Variants in DNAAF1 observed in about 807,000 individuals in gnomAD.
The protein encoded by DNAAF1 is dynein assembly factor 1, axonemal.
DNAAF1 carries 65 observed loss-of-function variants against 71.1 expected under a neutral mutation model. That is an observed-to-expected ratio of 0.91 (90% CI 0.75 to 1.12). The LOEUF (loss-of-function observed/expected upper bound fraction) is 1.12, where lower values mean the gene tolerates loss of function less well. Among genes scored for constraint, DNAAF1 ranks in the 50% most tolerant of loss-of-function variants. The pLI, the probability that DNAAF1 is intolerant of heterozygous loss-of-function variation, is 0.00. For missense variants in DNAAF1, 1,178 were observed against 899.8 expected, an observed-to-expected ratio of 1.31 and a Z score of -3.96; for synonymous variants, 414 against 354.6, an observed-to-expected ratio of 1.17 and a Z score of -1.88.
chr16:84,147,396 G>T (rs566120466), intron 1 of DNAAF1, among the ~76,000 whole-genome samples: 1 of 152,168 alleles, frequency 6.6e-6, no homozygotes, highest in South Asian at 2.1e-4. Flanking sequence ...AGTTAAGTGC[G>T]GTTGAATTGG....
intron 9 of DNAAF1, chr16:84,172,694 G>A: frequency 4.9e-6 from 6 of 1,216,028 alleles, no homozygotes; most frequent in African/African-American, 1.6e-5. Context: ...AAGCTATCTT[G>A]CTAAGTGGTT....
intron 11 of DNAAF1, 35 bp downstream of exon 11, chr16:84,176,334 A>C (rs1400736906): frequency 2.5e-6 from 4 of 1,612,216 alleles, no homozygotes; most frequent in Non-Finnish European, 2.5e-6. Context: ...AGTGGAGACA[A>C]TGTTGGCTCC....
chr16:84,176,017 C>T lies in DNAAF1; in HGVS notation c.1783C>T (p.Leu595=). Residue 595 remains leucine (L), a synonymous_variant, in exon 11 of 12, where the codon CTG becomes TTG. Coordinates refer to ENST00000378553, the MANE Select transcript of DNAAF1 (RefSeq NM_178452.6). ...PELDYTSLPV[L]ENLPTDTLSN... is the part of the protein sequence containing the mutation. Reference sequence around the variant, plus strand: ...ACTGGACTACACGTCACTCCCTGTGCTGGAAAACCTCCCCACAGACACTCT... The same window carrying T: ...ACTGGACTACACGTCACTCCCTGTGTTGGAAAACCTCCCCACAGACACTCT... 3 of 1,614,192 alleles carry T rather than the reference C, an allele frequency of 1.9e-6. No individual in the cohort carries two copies. Among genetic ancestry groups the T allele is most frequent in the Non-Finnish European group, 2.5e-6 (3 of 1,180,036 alleles).
At chr16:84,148,983 G>A (rs2087056440) in intron 1 of DNAAF1, 24 bp from the exon 2 acceptor site, 1 of 1,613,544 alleles carries the variant, frequency 6.2e-7, no homozygotes, top group Non-Finnish European at 8.5e-7. Flanking sequence ...GATCTCTACA[G>A]ACCTGATCTC....
chr16:84,173,341 G>C, intron 9 of DNAAF1: 1 of 602,596 alleles, frequency 1.7e-6, no homozygotes. Flanking sequence ...ATGGGCACCT[G>C]TAGTCCCAGC....
Position 84,154,566 on chromosome 16 carries a change from C to T in DNAAF1, c.353-11C>T, listed in dbSNP as rs1326638165. The T allele has an allele frequency of 6.2e-7, 1 of 1,613,720 alleles. No homozygotes were observed. The highest frequency in any genetic ancestry group is 1.1e-5 in the South Asian group (1 of 91,068). ...TAGGAGCTTAATTCCCACGTGCTTC[C>T]TTTTTGTTAGGTTTTGATCGCATTG... On this transcript the variant is annotated splice_polypyrimidine_tract_variant and intron_variant, in intron 3 of 11. Transcript: ENST00000378553.
At position 84,150,285 on chromosome 16, in the gene DNAAF1, C is replaced by G. The variant is rs2151210002; in HGVS notation, c.295C>G (p.Gln99Glu). The G allele has an allele frequency of 6.2e-7, 1 of 1,613,980 alleles. No homozygotes were observed. The highest frequency in any genetic ancestry group is 8.5e-7 in the Non-Finnish European group (1 of 1,179,862). ...TKSSLQKLCK[Q>E]HKLYITPALN... ...AAGTTCCCTGCAAAAACTCTGCAAG[C>G]AGCACAAGCTTTATATTACCCCAGC... The change falls in exon 3 of 12, where the codon CAG (glutamine) becomes GAG (glutamate). Residue 99 changes from glutamine to glutamate, a missense_variant. By Grantham distance (29) the Gln-to-Glu change is conservative. Transcript: ENST00000378553.
chr16:84,149,790 C>T (rs546116585), intron 2 of DNAAF1, among the ~76,000 whole-genome samples: 1 of 151,252 alleles, frequency 6.6e-6, no homozygotes, highest in Admixed American at 6.6e-5. Flanking sequence ...TTTGGGAGGC[C>T]AAGGTGGGTG....
At chr16:84,163,879 G>GGT in intron 6 of DNAAF1, among the ~76,000 whole-genome samples, 1 of 150,052 alleles carries the variant, frequency 6.7e-6, no homozygotes, top group African/African-American at 2.4e-5. Flanking sequence ...TTTTTGTGGG[G>GGT]GACAGCGTTT....
intron 2 of DNAAF1, among the ~76,000 whole-genome samples, chr16:84,149,709 A>AAC (rs1491310348): frequency 7.2e-6 from 1 of 138,054 alleles, no homozygotes; most frequent in African/African-American, 2.7e-5. Context: ...AAAAAAAAAA[A>AAC]CATACATTGC....
rs768164076 is a variant in DNAAF1 at position 84,145,439 on chromosome 16, A to G, written c.-2A>G. 1.3e-6 allele frequency: 2 copies of G among 1,580,898 alleles called. No individual in the cohort carries two copies. The highest frequency in any genetic ancestry group is 1.7e-6 in the Non-Finnish European group (2 of 1,164,006). On this transcript the variant is annotated 5_prime_UTR_variant, in exon 1 of 12. Coordinates refer to ENST00000378553, the MANE Select transcript of DNAAF1 (RefSeq NM_178452.6). ...GGGGCGTTCGGTGTCGCCGAAGTAA[A>G]CATGCACCCTGAGCCCTCGGAGCCT... is the stretch of plus-strand genomic sequence containing the variant.
At chr16:84,174,777 T>A (rs2088564108) in intron 10 of DNAAF1, 55 bp downstream of exon 10, 1 of 1,610,058 alleles carries the variant, frequency 6.2e-7, no homozygotes, top group Non-Finnish European at 8.5e-7. Context: ...ACCTTCGTTC[T>A]TGTCGTTTAC....
Position 84,177,819 on chromosome 16 carries a change from TC to T in DNAAF1, c.2159del (p.Pro720GlnfsTer15). The T allele has an allele frequency of 6.2e-7, 1 of 1,613,940 alleles. No individual in the cohort carries two copies. The highest frequency in any genetic ancestry group is 8.5e-7 in the Non-Finnish European group (1 of 1,179,874). On this transcript the variant is annotated frameshift_variant, in exon 12 of 12. Coordinates refer to ENST00000378553, the MANE Select transcript of DNAAF1 (RefSeq NM_178452.6). LOFTEE classifies it low-confidence loss of function (END_TRUNC). ...QALPTWDLTA[F>X]PAPKAS ...CTGCCCACGTGGGACCTCACTGCATTCCCAGCACCGAAAGCATCATAGTTTT... is the reference window on the plus strand; with the variant it reads ...CTGCCCACGTGGGACCTCACTGCATTCCAGCACCGAAAGCATCATAGTTTT...
chr16:84,175,660 A>T, intron 10 of DNAAF1: 1 of 485,600 alleles, frequency 2.1e-6, no homozygotes. Flanking sequence ...CCCAGGGCTC[A>T]GGGGTGCGCC....
rs545645578 is a variant in DNAAF1 at position 84,167,844 on chromosome 16, C to G, written c.1030+1895C>G. 4.3e-3 allele frequency among the ~76,000 whole-genome samples: 649 copies of G among 152,012 alleles called. 5 individuals carry two copies. Among genetic ancestry groups the G allele is most frequent in the Middle Eastern group, 0.014 (4 of 294 alleles). On this transcript the variant is annotated intron_variant, in intron 7 of 11. Transcript: ENST00000378553. ...CAGCCTGAACAACATGGAGAAACCC[C>G]GTCTCTACTAAAAATAGAAAAAATT...
chr16:84,172,038 T>C (rs1265337669), intron 8 of DNAAF1, among the ~76,000 whole-genome samples: 2 of 152,114 alleles, frequency 1.3e-5, no homozygotes, highest in Non-Finnish European at 1.5e-5. Flanking sequence ...CCACCACACC[T>C]GGCTAATTTT....
chr16:84,148,915 T>G (rs979754965), intron 1 of DNAAF1, 92 bp from the exon 2 acceptor site: 2 of 1,444,058 alleles, frequency 1.4e-6, no homozygotes, highest in Admixed American at 3.4e-5. Context: ...TGTTCTATAC[T>G]AAAAGTGGAT....
At chr16:84,150,903 T>G (rs1430010342) in intron 3 of DNAAF1, among the ~76,000 whole-genome samples, 1 of 152,178 alleles carries the variant, frequency 6.6e-6, no homozygotes, top group African/African-American at 2.4e-5. Flanking sequence ...TGTGAGCCAC[T>G]GCACCCAGCC....
At chr16:84,151,089 A>G (rs146733339) in intron 3 of DNAAF1, among the ~76,000 whole-genome samples, 13 of 152,232 alleles carry the variant, frequency 8.5e-5, no homozygotes, top group Non-Finnish European at 1.3e-4. Context: ...TCACATATCA[A>G]TGGAAGCTCA....
Sources: allele counts gnomAD v4.1 joint callset (sites outside exome capture counted in the v4.1 genomes callset), GRCh38; gene constraint gnomAD v4.1.1; transcripts MANE v1.5; gene names NCBI Gene and HGNC (gene_info 2026-07-23, HGNC 2026-07-21).